Variants in EYS observed in about 807,000 individuals in gnomAD.
EYS encodes the protein EGF-like photoreceptor maintenance factor, also known as protein eyes shut homolog.
EYS carries 250 observed loss-of-function variants against 282.1 expected under a neutral mutation model. That is an observed-to-expected ratio of 0.89 (90% CI 0.80 to 0.98). EYS has a LOEUF of 0.98. Ranked by LOEUF, EYS falls within the 50% of genes least tolerant of loss-of-function variation. The probability of loss-of-function intolerance (pLI) is 0.00; values close to 1 mark genes in which losing one functional copy is unlikely to be tolerated. For missense variants in EYS, 4,016 were observed against 3,709.0 expected, an observed-to-expected ratio of 1.08 and a Z score of -2.15; for synonymous variants, 1,355 against 1,282.9, an observed-to-expected ratio of 1.06 and a Z score of -1.20.
chr6:64,945,831 C>T lies in EYS; in HGVS notation c.2343G>A (p.Lys781=), dbSNP rs1185817263. 1.9e-6 allele frequency: 3 copies of T among 1,549,880 alleles called. No homozygotes were observed. Among genetic ancestry groups the T allele is most frequent in the Admixed American group, 3.9e-5 (2 of 50,930 alleles). The change falls in exon 15 of 43, where the codon AAG becomes AAA. Residue 781 remains lysine, a synonymous_variant. Transcript: ENST00000503581. ...AAAGGTCAGTACAGGTGGAATTGTT[C>T]TTGCAAGGATTCATTTTACACTCAT... The part of the protein sequence containing the change: ...ESNECKMNPC[K]NNSTCTDLYK...
intron 8 of EYS, among the ~76,000 whole-genome samples, chr6:65,375,149 G>A (rs903330204): frequency 2.6e-5 from 4 of 152,134 alleles, no homozygotes; most frequent in Non-Finnish European, 5.9e-5. Flanking sequence ...GCTGGCATCT[G>A]GTGGGTGCCC....
chr6:64,712,464 G>A (rs1372283515), intron 22 of EYS, among the ~76,000 whole-genome samples: 3 of 152,148 alleles, frequency 2.0e-5, no homozygotes, highest in Non-Finnish European at 4.4e-5. Context: ...AAGGAAGTTG[G>A]GGGATTATGG....
At chr6:64,305,841 T>G (rs912291813) in intron 30 of EYS, among the ~76,000 whole-genome samples, 4 of 152,146 alleles carry the variant, frequency 2.6e-5, no homozygotes, top group Non-Finnish European at 4.4e-5. Context: ...GATATGGATA[T>G]GACACCAAAT....
chr6:64,790,422 T>C (rs981545571), intron 22 of EYS, among the ~76,000 whole-genome samples: 6 of 151,896 alleles, frequency 4.0e-5, no homozygotes, highest in African/African-American at 1.4e-4. Flanking sequence ...TGAATTCAGT[T>C]AGTTCAATCA....
intron 22 of EYS, among the ~76,000 whole-genome samples, chr6:64,731,702 C>T (rs1018963424): frequency 9.2e-5 from 14 of 152,130 alleles, no homozygotes; most frequent in African/African-American, 2.9e-4. Context: ...AATGCTTTTA[C>T]GCTGTTGGTG....
chr6:64,848,543 TC>T (rs1230590441), intron 19 of EYS, among the ~76,000 whole-genome samples: 1 of 152,064 alleles, frequency 6.6e-6, no homozygotes, highest in Non-Finnish European at 1.5e-5. Context: ...CGTGATGTTT[TC>T]AAACAATCAA....
chr6:64,600,315 C>T (rs1283065443), intron 24 of EYS, among the ~76,000 whole-genome samples: 1 of 151,752 alleles, frequency 6.6e-6, no homozygotes, highest in African/African-American at 2.4e-5. Flanking sequence ...ATAAAAGATA[C>T]ATAGGATATT....
chr6:65,396,339 C>T (rs183407372), intron 7 of EYS, among the ~76,000 whole-genome samples: 185 of 152,024 alleles, frequency 1.2e-3, no homozygotes, highest in African/African-American at 4.1e-3. Flanking sequence ...ATTCTATGCA[C>T]GGCCTCATTT....
At chr6:64,379,826 C>T (rs1388339007) in intron 29 of EYS, 3 of 152,056 alleles carry the variant, frequency 2.0e-5, no homozygotes, top group African/African-American at 7.2e-5. Context: ...CATATGCCTA[C>T]ATATATATGC....
chr6:65,175,812 T>C (rs1338996711), intron 12 of EYS, among the ~76,000 whole-genome samples: 1 of 151,498 alleles, frequency 6.6e-6, no homozygotes, highest in African/African-American at 2.4e-5. Context: ...ACTGACTCAA[T>C]GAATATACAA....
At chr6:65,020,602 T>C (rs577047663) in intron 13 of EYS, among the ~76,000 whole-genome samples, 1 of 152,248 alleles carries the variant, frequency 6.6e-6, no homozygotes, top group Admixed American at 6.5e-5. Context: ...TGTCAGTGGA[T>C]TTACCATTCT....
At chr6:63,843,767 GAAAT>G (rs1174265364) in intron 36 of EYS, among the ~76,000 whole-genome samples, 1 of 152,172 alleles carries the variant, frequency 6.6e-6, no homozygotes, top group Non-Finnish European at 1.5e-5. Context: ...GTAAGAGAAA[GAAAT>G]AAAGCGTATT....
chr6:64,185,592 C>G (rs1295099793), intron 31 of EYS, among the ~76,000 whole-genome samples: 1 of 152,150 alleles, frequency 6.6e-6, no homozygotes, highest in Non-Finnish European at 1.5e-5. Flanking sequence ...AATGTGAAGA[C>G]TTGGAAGTTT....
At chr6:64,683,124 C>T (rs562206187) in intron 22 of EYS, among the ~76,000 whole-genome samples, 116 of 152,316 alleles carry the variant, frequency 7.6e-4, no homozygotes, top group Non-Finnish European at 1.3e-3. Flanking sequence ...AGTAGTAATC[C>T]TTCCATGTCA....
chr6:65,490,432 A>G, intron 5 of EYS, 162 bp downstream of exon 5: 2 of 552,800 alleles, frequency 3.6e-6, no homozygotes, highest in East Asian at 2.9e-5. Flanking sequence ...AATTGTATTA[A>G]CCAAATTGAT....
intron 11 of EYS, chr6:65,330,278 T>C: frequency 1.1e-6 from 1 of 944,248 alleles, no homozygotes; most frequent in Non-Finnish European, 1.3e-6. Flanking sequence ...ATAATAAATG[T>C]ATGAATGAAT....
intron 19 of EYS, among the ~76,000 whole-genome samples, chr6:64,853,959 C>T (rs1765967342): frequency 6.6e-6 from 1 of 151,898 alleles, no homozygotes; most frequent in Admixed American, 6.6e-5. Flanking sequence ...AGACACTTCT[C>T]AAAATAAGAC....
At chr6:64,104,949 T>C (rs1371040778) in intron 31 of EYS, among the ~76,000 whole-genome samples, 2 of 152,018 alleles carry the variant, frequency 1.3e-5, no homozygotes, top group African/African-American at 4.8e-5. Context: ...AGATAAAGTA[T>C]GAACAGCATC....
intron 31 of EYS, among the ~76,000 whole-genome samples, chr6:64,149,377 G>A (rs546528756): frequency 5.3e-5 from 8 of 152,286 alleles, no homozygotes; most frequent in African/African-American, 1.7e-4. Context: ...ATAGAGACGC[G>A]ATGAAGAGGC....
Sources: allele counts gnomAD v4.1 joint callset (sites outside exome capture counted in the v4.1 genomes callset), GRCh38; gene constraint gnomAD v4.1.1; transcripts MANE v1.5; gene names NCBI Gene and HGNC (gene_info 2026-07-23, HGNC 2026-07-21).